The following ITPK1 variants were observed in gnomAD, a reference collection of about 807,000 sequenced individuals.
ITPK1 encodes inositol 1,3,4-trisphosphate 5/6-kinase.
A neutral mutation model predicts 45.3 loss-of-function variants in ITPK1; 21 were observed. The ratio of observed to expected loss-of-function variants is 0.46; its 90% CI spans 0.33 to 0.67. The LOEUF is 0.67. Ranked by LOEUF, ITPK1 falls within the 30% of genes least tolerant of loss-of-function variation. The probability of loss-of-function intolerance (pLI) is 0.02; values close to 1 mark genes in which losing one functional copy is unlikely to be tolerated. For missense variants in ITPK1, 474 were observed against 573.5 expected (o/e 0.83, Z 1.77); for synonymous variants, 258 against 253.6 (o/e 1.02, Z -0.16).
chr14:92,941,055 G>C lies in ITPK1; in HGVS notation c.*506C>G. ...GCAGGGTGGGGGCTAACAAAGCCTT[G>C]GTGGAGACCAGTAGGAGGAAAAACA... On this transcript the variant is annotated 3_prime_UTR_variant, in exon 11 of 11. Coordinates refer to ENST00000267615, the MANE Select transcript of ITPK1 (RefSeq NM_014216.6). 8.2e-7 allele frequency: 1 copy of C among 1,216,024 alleles called. No individual in the cohort carries two copies. Among genetic ancestry groups the C allele is most frequent in the Non-Finnish European group, 1.0e-6 (1 of 955,380 alleles). 75.3% of individuals were successfully genotyped at this position (1,216,024 alleles called of 1,614,324 possible).
intron 10 of ITPK1, among the ~76,000 whole-genome samples, chr14:92,945,825 T>C (rs1288388102): frequency 6.6e-6 from 1 of 152,140 alleles, no homozygotes; most frequent in Admixed American, 6.5e-5. Flanking sequence ...ACAGACTCCA[T>C]AGCCCAGGGC....
intron 2 of ITPK1, among the ~76,000 whole-genome samples, chr14:93,090,664 C>G (rs1424017508): frequency 1.3e-5 from 2 of 152,168 alleles, no homozygotes; most frequent in African/African-American, 4.8e-5. Context: ...AACTAAATTC[C>G]TCCTGATGAG....
At chr14:92,989,259 C>T (rs1886655621) in intron 5 of ITPK1, among the ~76,000 whole-genome samples, 1 of 152,130 alleles carries the variant, frequency 6.6e-6, no homozygotes. Context: ...CTGCGGTATG[C>T]ACCCCCCATC....
At chr14:93,048,287 T>C (rs538592274) in intron 3 of ITPK1, among the ~76,000 whole-genome samples, 3 of 152,380 alleles carry the variant, frequency 2.0e-5, no homozygotes, top group South Asian at 4.1e-4. Context: ...TTTGTTTCAA[T>C]GATGGCCAGT....
chr14:93,053,508 G>A (rs1158976008), intron 3 of ITPK1, among the ~76,000 whole-genome samples: 1 of 152,230 alleles, frequency 6.6e-6, no homozygotes, highest in Non-Finnish European at 1.5e-5. Flanking sequence ...AAGAACAGGC[G>A]GTGCAGAGGA....
In ITPK1 at chr14:92,958,509, G is replaced by T; in HGVS notation, c.505-143C>A. 1.4e-6 allele frequency: 1 copy of T among 712,178 alleles called. No individual in the cohort carries two copies. The highest frequency in any genetic ancestry group is 2.3e-6 in the Non-Finnish European group (1 of 426,530). The allele number at this position is 712,178 out of a possible 1,614,324, so 44.1% of individuals were successfully genotyped here. A position where few individuals can be genotyped will look rare whatever the true frequency, so the allele number is the denominator to read the frequency against. ...ATGAGGACTCCCCTAGAGGAGCCTT[G>T]AGCCAGGGTGAGTGGAGTGGGACTT... On this transcript the variant is annotated intron_variant, in intron 7 of 10. Transcript: ENST00000267615. The surrounding 1 kb of genome is among the most constrained non-coding windows in gnomAD (Gnocchi z 4.4).
Position 92,944,060 on chromosome 14 carries a change from G to A in ITPK1, c.902-2156C>T, listed in dbSNP as rs980010508. 7.9e-5 allele frequency among the ~76,000 whole-genome samples: 12 copies of A among 152,328 alleles called. 1 individual carries two copies. In the South Asian group the frequency reaches 1.2e-3, roughly 16 times the overall value. On this transcript the variant is annotated intron_variant, in intron 10 of 10. Transcript: ENST00000267615. ...CCTTTGCACAACGCCTCGTGAGGAC[G>A]AAGTGAGGCGTCGGGGCAGGCCTGG...
intron 10 of ITPK1, 46 bp from the exon 11 acceptor site, chr14:92,941,950 C>T (rs138547016): frequency 2.1e-5 from 33 of 1,552,252 alleles, no homozygotes; most frequent in Middle Eastern, 1.9e-4. Flanking sequence ...GCCAGGGGCA[C>T]GCATCATGCA....
chr14:93,001,848 T>A (rs946722436), intron 4 of ITPK1, among the ~76,000 whole-genome samples: 7 of 152,076 alleles, frequency 4.6e-5, no homozygotes, highest in African/African-American at 1.2e-4. Context: ...TTCCACCAGC[T>A]CCTCCGTACC....
In ITPK1 at chr14:92,958,334, G is replaced by A. The variant is rs202016243; in HGVS notation, c.537C>T (p.Asn179=). Residue 179 remains asparagine, a synonymous_variant, in exon 8 of 11, where the codon AAC becomes AAT. Transcript: ENST00000267615. The surrounding 1 kb of genome is among the most constrained non-coding windows in gnomAD (Gnocchi z 4.4). ...GGACCACGCAGGGTGGCTGGATGGC[G>A]TTCAGGCCCTCCTGGTTGAACACGA... The part of the protein sequence containing the change: ...MAIVFNQEGL[N]AIQPPCVVQN... 2.3e-4 allele frequency: 377 copies of A among 1,614,062 alleles called. No homozygotes were observed. Among genetic ancestry groups the A allele is most frequent in the Non-Finnish European group, 3.0e-4 (358 of 1,180,026 alleles).
intron 3 of ITPK1, among the ~76,000 whole-genome samples, chr14:93,075,326 CAAAAAAAAAAAAAAAAAAAAAA>C (rs58089863): frequency 1.7e-4 from 9 of 53,964 alleles, no homozygotes; most frequent in East Asian, 6.5e-4. Flanking sequence ...GACTCCTTCT[CAAAAAAAAAAAAAAAAAAAAAA>C]AAAAAAAAAA....
chr14:93,019,319 A>G (rs903714814), intron 3 of ITPK1, among the ~76,000 whole-genome samples: 1 of 152,194 alleles, frequency 6.6e-6, no homozygotes, highest in African/African-American at 2.4e-5. Flanking sequence ...GGAGGTGAGC[A>G]GAGGGGACGC....
At chr14:93,022,704 T>C (rs1888533383) in intron 3 of ITPK1, among the ~76,000 whole-genome samples, 1 of 151,940 alleles carries the variant, frequency 6.6e-6, no homozygotes. Flanking sequence ...TAGAGATGGG[T>C]TTCACTACTC....
intron 5 of ITPK1, among the ~76,000 whole-genome samples, chr14:92,989,517 G>A (rs941718473): frequency 6.6e-6 from 1 of 152,154 alleles, no homozygotes; most frequent in Non-Finnish European, 1.5e-5. Context: ...GCCAGTTTGG[G>A]AGCCAGCTAG....
intron 5 of ITPK1, among the ~76,000 whole-genome samples, chr14:92,972,631 C>T (rs976515704): frequency 6.6e-6 from 1 of 152,214 alleles, no homozygotes; most frequent in Admixed American, 6.5e-5. Flanking sequence ...CTCTGTCACC[C>T]AGGTTGGAGT....
At chr14:93,079,562 C>T (rs530637864) in intron 2 of ITPK1, among the ~76,000 whole-genome samples, 2 of 152,312 alleles carry the variant, frequency 1.3e-5, no homozygotes, top group Admixed American at 1.3e-4. Context: ...TCCAGGGCCT[C>T]AGTGCAATGG....
Position 92,938,328 on chromosome 14 carries a change from G to T in ITPK1, c.*3233C>A. On this transcript the variant is annotated 3_prime_UTR_variant, in exon 11 of 11. Transcript: ENST00000267615. ...ACATTAGTGAAGCCATTCAGCAGTT[G>T]TGGCCAGTGGCCAATGTGAGTGCCC... 1.5e-6 allele frequency: 1 copy of T among 671,628 alleles called. No individual in the cohort carries two copies. The highest frequency in any genetic ancestry group is 2.7e-6 in the Non-Finnish European group (1 of 365,972). The allele number at this position is 671,628 out of a possible 1,614,324, so 41.6% of individuals were successfully genotyped here. A position where few individuals can be genotyped will look rare whatever the true frequency, so the allele number is the denominator to read the frequency against.
chr14:93,049,972 G>A (rs574820192), intron 3 of ITPK1, among the ~76,000 whole-genome samples: 1 of 152,246 alleles, frequency 6.6e-6, no homozygotes, highest in East Asian at 1.9e-4. Flanking sequence ...GAGGCACTTG[G>A]CAAAGGTTCT....
At chr14:93,021,665 T>C (rs1053475044) in intron 3 of ITPK1, among the ~76,000 whole-genome samples, 3 of 151,964 alleles carry the variant, frequency 2.0e-5, no homozygotes, top group Non-Finnish European at 4.4e-5. Context: ...TGGTGTGTTT[T>C]CAGTGGGTTT....
Sources: allele counts gnomAD v4.1 joint callset (sites outside exome capture counted in the v4.1 genomes callset), GRCh38; gene constraint gnomAD v4.1.1; non-coding constraint Gnocchi (gnomAD v3.1); transcripts MANE v1.5; gene names NCBI Gene and HGNC (gene_info 2026-07-23, HGNC 2026-07-21).